Variants in COL19A1 observed in about 807,000 individuals in gnomAD.
COL19A1 encodes the protein collagen alpha-1(XIX) chain.
COL19A1 carries 159 observed loss-of-function variants against 190.2 expected under a neutral mutation model. The ratio of observed to expected loss-of-function variants is 0.84; its 90% CI spans 0.73 to 0.95. The LOEUF is 0.95. Among genes scored for constraint, COL19A1 ranks in the 40% least tolerant of loss-of-function variants. The pLI, the probability that COL19A1 is intolerant of heterozygous loss-of-function variation, is 0.00. For synonymous variants in COL19A1, 509 were observed against 458.9 expected (o/e 1.11, Z -1.39); for missense variants, 1,418 against 1,431.9 (o/e 0.99, Z 0.16).
chr6:70,084,595 C>T (rs1022792965), intron 15 of COL19A1, among the ~76,000 whole-genome samples: 4 of 152,142 alleles, frequency 2.6e-5, no homozygotes, highest in African/African-American at 9.7e-5. Flanking sequence ...CTGCTCAGCC[C>T]GTTTTCTGTC....
At chr6:70,100,088 C>A (rs1436465440) in intron 15 of COL19A1, among the ~76,000 whole-genome samples, 1 of 152,132 alleles carries the variant, frequency 6.6e-6, no homozygotes, top group Non-Finnish European at 1.5e-5. Flanking sequence ...CCGCTTCCTG[C>A]CCAAATCAAT....
At chr6:70,129,735 A>AT (rs1202307437) in intron 17 of COL19A1, among the ~76,000 whole-genome samples, 1 of 152,196 alleles carries the variant, frequency 6.6e-6, no homozygotes, top group Non-Finnish European at 1.5e-5. Context: ...GAGAACTTGC[A>AT]TTTTTTTCAG....
intron 11 of COL19A1, among the ~76,000 whole-genome samples, chr6:70,001,492 T>C (rs1172253099): frequency 6.6e-6 from 1 of 152,248 alleles, no homozygotes; most frequent in Non-Finnish European, 1.5e-5. Flanking sequence ...TGATTCTTCC[T>C]ATCCATAAGC....
At chr6:70,178,819 C>T (rs546039801) in intron 42 of COL19A1, among the ~76,000 whole-genome samples, 1 of 152,230 alleles carries the variant, frequency 6.6e-6, no homozygotes, top group South Asian at 2.1e-4. Flanking sequence ...GGGATTTCCC[C>T]TAGAGCTTCT....
chr6:69,877,380 C>T (rs1339311545), intron 1 of COL19A1, among the ~76,000 whole-genome samples: 2 of 152,100 alleles, frequency 1.3e-5, no homozygotes, highest in Non-Finnish European at 2.9e-5. Context: ...TAGAAGTGTA[C>T]ATTCAGAAAG....
In COL19A1 at chr6:70,083,658, C is replaced by G. The variant is rs115515243; in HGVS notation, c.1224+15182C>G. Among the ~76,000 whole-genome samples the G allele has an allele frequency of 9.6e-4, 146 of 152,306 alleles. 1 individual carries two copies. The highest frequency in any genetic ancestry group is 3.4e-3 in the African/African-American group (142 of 41,578). Reference sequence around the variant, plus strand: ...GTATGATTAGTTAAGCTTTTTAAAACAGTTTAGCCTTGTAATAATTAAGAG... The same window carrying G: ...GTATGATTAGTTAAGCTTTTTAAAAGAGTTTAGCCTTGTAATAATTAAGAG... On this transcript the variant is annotated intron_variant, in intron 15 of 50. Transcript: ENST00000620364.
chr6:69,924,767 T>C (rs984643418), intron 4 of COL19A1, among the ~76,000 whole-genome samples: 8 of 152,214 alleles, frequency 5.3e-5, no homozygotes, highest in Non-Finnish European at 1.2e-4. Flanking sequence ...GACTTTTTAA[T>C]GATTGCCATT....
chr6:69,956,878 G>A (rs2150041015), intron 9 of COL19A1, among the ~76,000 whole-genome samples: 1 of 151,988 alleles, frequency 6.6e-6, no homozygotes, highest in African/African-American at 2.4e-5. Flanking sequence ...TAAAATGATA[G>A]GTCAATTTTT....
At chr6:69,866,821 T>C (rs1235448955) in intron 1 of COL19A1, among the ~76,000 whole-genome samples, 181 bp downstream of exon 1, 3 of 152,216 alleles carry the variant, frequency 2.0e-5, no homozygotes, top group Non-Finnish European at 4.4e-5. Context: ...TACGTTTCCA[T>C]AGGGGCCTTA....
intron 18 of COL19A1, among the ~76,000 whole-genome samples, chr6:70,132,731 A>G (rs1785602091): frequency 6.6e-6 from 1 of 152,122 alleles, no homozygotes; most frequent in South Asian, 2.1e-4. Context: ...TCTATTTAGA[A>G]GTGTTTCAGA....
At chr6:70,028,146 G>C (rs1193499006) in intron 12 of COL19A1, among the ~76,000 whole-genome samples, 1 of 152,034 alleles carries the variant, frequency 6.6e-6, no homozygotes, top group Admixed American at 6.6e-5. Context: ...CAGGAGAAAA[G>C]GCATACAAAT....
intron 8 of COL19A1, 63 bp from the exon 9 acceptor site, chr6:69,937,975 A>G: frequency 6.6e-7 from 1 of 1,515,398 alleles, no homozygotes; most frequent in Non-Finnish European, 9.1e-7. Context: ...ACATTTATAA[A>G]CCATTTGGCT....
At chr6:69,881,098 A>T (rs1356715440) in intron 2 of COL19A1, among the ~76,000 whole-genome samples, 3 of 152,312 alleles carry the variant, frequency 2.0e-5, no homozygotes, top group East Asian at 3.9e-4. Flanking sequence ...GACGTATTTG[A>T]TTCCTGAGAC....
chr6:69,869,828 TC>T (rs1383361776), intron 1 of COL19A1, among the ~76,000 whole-genome samples: 1 of 152,230 alleles, frequency 6.6e-6, no homozygotes, highest in South Asian at 2.1e-4. Context: ...TCAAAGGGAA[TC>T]CCAGGTTTGA....
chr6:70,023,433 G>T (rs1440374788), intron 11 of COL19A1, among the ~76,000 whole-genome samples, 194 bp from the exon 12 acceptor site: 3 of 152,096 alleles, frequency 2.0e-5, no homozygotes, highest in Non-Finnish European at 4.4e-5. Context: ...ACTGCACCTG[G>T]CTGCAGCTTT....
At chr6:69,918,255 T>A (rs897795113) in intron 4 of COL19A1, among the ~76,000 whole-genome samples, 1 of 152,162 alleles carries the variant, frequency 6.6e-6, no homozygotes, top group Non-Finnish European at 1.5e-5. Context: ...AGCTGCTATG[T>A]GCAGGCCAGA....
rs1786671438 is a variant in COL19A1, at chr6:70,146,684, C to A, written c.1796C>A (p.Pro599His). The A allele has an allele frequency of 6.2e-7, 1 of 1,604,966 alleles. No homozygotes were observed. The highest frequency in any genetic ancestry group is 1.1e-5 in the South Asian group (1 of 89,052). Residue 599 changes from proline to histidine, a missense_variant, in exon 26 of 51, where the codon CCT becomes CAT. Physicochemically the swap from Pro to His is moderately conservative, Grantham distance 77. Transcript: ENST00000620364. Reference sequence around the variant, plus strand: ...GGATTAGATGGAAATCCTGGAGCACCTGGTCCACGTGGGCCAAAGGTATAC... The same window carrying A: ...GGATTAGATGGAAATCCTGGAGCACATGGTCCACGTGGGCCAAAGGTATAC... Reference protein sequence around the residue: ...EPGLDGNPGAPGPRGPKGERG... With the variant: ...EPGLDGNPGAHGPRGPKGERG...
At chr6:70,095,953 T>A (rs1453480493) in intron 15 of COL19A1, among the ~76,000 whole-genome samples, 1 of 152,214 alleles carries the variant, frequency 6.6e-6, no homozygotes, top group Non-Finnish European at 1.5e-5. Flanking sequence ...ACATTTGGGT[T>A]AGTTCCACCT....
At chr6:69,924,547 G>A (rs1242564206) in intron 4 of COL19A1, among the ~76,000 whole-genome samples, 2 of 152,138 alleles carry the variant, frequency 1.3e-5, no homozygotes, top group Non-Finnish European at 2.9e-5. Context: ...ATTGTGAATA[G>A]TGCCGCAATA....
Sources: gnomAD v4.1 joint callset for allele counts (sites outside exome capture counted in the v4.1 genomes callset) on GRCh38, gnomAD v4.1.1 for gene constraint, MANE v1.5 for transcripts, NCBI Gene and HGNC (gene_info 2026-07-23, HGNC 2026-07-21) for gene names.